PTPRG: variants seen among roughly 807,000 people sequenced by gnomAD.
The protein encoded by PTPRG is protein tyrosine phosphatase receptor type G.
PTPRG carries 102 observed loss-of-function variants against 165.3 expected under a neutral mutation model. The ratio of observed to expected loss-of-function variants is 0.62; its 90% CI spans 0.53 to 0.73. The LOEUF (loss-of-function observed/expected upper bound fraction) is 0.73. Among genes scored for constraint, PTPRG ranks in the 30% least tolerant of loss-of-function variants. The pLI, the probability that PTPRG is intolerant of heterozygous loss-of-function variation, is 0.00. For missense variants in PTPRG, 1,866 were observed against 1,861.4 expected (o/e 1.00, Z -0.05); for synonymous variants, 675 against 669.5 (o/e 1.01, Z -0.13).
chr3:62,001,020 G>C (rs1023212910), intron 3 of PTPRG, among the ~76,000 whole-genome samples: 1 of 152,220 alleles, frequency 6.6e-6, no homozygotes, highest in African/African-American at 2.4e-5. Flanking sequence ...TTAAGTGGCA[G>C]AATGGAATTC....
intron 6 of PTPRG, among the ~76,000 whole-genome samples, chr3:62,134,363 T>G (rs1034336798): frequency 6.6e-6 from 1 of 152,188 alleles, no homozygotes; most frequent in African/African-American, 2.4e-5. Context: ...GAACACTGAT[T>G]AAGACACACA....
At chr3:61,930,555 T>G (rs1291344804) in intron 2 of PTPRG, among the ~76,000 whole-genome samples, 1 of 152,184 alleles carries the variant, frequency 6.6e-6, no homozygotes, top group Non-Finnish European at 1.5e-5. Context: ...ATCTGCCAGT[T>G]AAAGACAAAT....
At chr3:61,638,842 A>C (rs1701990519) in intron 1 of PTPRG, among the ~76,000 whole-genome samples, 1 of 151,978 alleles carries the variant, frequency 6.6e-6, no homozygotes, top group Non-Finnish European at 1.5e-5. Flanking sequence ...ATTTGCAAAT[A>C]TTGTCTCCCA....
chr3:61,772,660 C>A (rs936725823), intron 2 of PTPRG, among the ~76,000 whole-genome samples: 2 of 152,122 alleles, frequency 1.3e-5, no homozygotes, highest in Non-Finnish European at 2.9e-5. Flanking sequence ...ACATAAAAAT[C>A]CATGTTTTTA....
At chr3:61,751,951 C>T (rs1020298366) in intron 2 of PTPRG, among the ~76,000 whole-genome samples, 3 of 151,918 alleles carry the variant, frequency 2.0e-5, no homozygotes, top group Admixed American at 1.3e-4. Context: ...CGAGATTGCG[C>T]CCACTGCACT....
At chr3:62,187,370 A>G (rs1249604904) in intron 8 of PTPRG, among the ~76,000 whole-genome samples, 1 of 152,256 alleles carries the variant, frequency 6.6e-6, no homozygotes, top group Non-Finnish European at 1.5e-5. Context: ...GCACTGATCC[A>G]CGGGCCGAAA....
At chr3:62,153,162 T>C (rs1005805732) in intron 6 of PTPRG, among the ~76,000 whole-genome samples, 2 of 152,224 alleles carry the variant, frequency 1.3e-5, no homozygotes, top group Non-Finnish European at 2.9e-5. Context: ...TATTTACTCT[T>C]TGGTACTTTA....
intron 28 of PTPRG, among the ~76,000 whole-genome samples, chr3:62,288,140 TAAAAAAAAA>T (rs374405748): frequency 8.8e-6 from 1 of 113,660 alleles, no homozygotes; most frequent in Non-Finnish European, 1.8e-5. Flanking sequence ...AAACTGTACT[TAAAAAAAAA>T]AAAAAAAACA....
intron 5 of PTPRG, among the ~76,000 whole-genome samples, chr3:62,112,722 A>G (rs968296583): frequency 6.6e-6 from 1 of 152,202 alleles, no homozygotes; most frequent in Non-Finnish European, 1.5e-5. Flanking sequence ...GGTGAAATGA[A>G]AGAGATCACA....
At chr3:61,831,212 C>T (rs1380426852) in intron 2 of PTPRG, among the ~76,000 whole-genome samples, 1 of 152,188 alleles carries the variant, frequency 6.6e-6, no homozygotes, top group Non-Finnish European at 1.5e-5. Flanking sequence ...CCAGGATACT[C>T]CTAGCTGCTG....
intron 16 of PTPRG, among the ~76,000 whole-genome samples, chr3:62,259,255 ATGC>A (rs1216307113): frequency 6.6e-6 from 1 of 152,206 alleles, no homozygotes; most frequent in Non-Finnish European, 1.5e-5. Flanking sequence ...CAGAGGTGTA[ATGC>A]TGCACCGACT....
At chr3:62,139,870 C>CA (rs1703858238) in intron 6 of PTPRG, among the ~76,000 whole-genome samples, 1 of 152,112 alleles carries the variant, frequency 6.6e-6, no homozygotes, top group East Asian at 1.9e-4. Context: ...AGGCCTCTAG[C>CA]AAAAAAGGAA....
intron 28 of PTPRG, among the ~76,000 whole-genome samples, chr3:62,286,055 A>T (rs1308095860): frequency 6.6e-6 from 1 of 152,160 alleles, no homozygotes; most frequent in Non-Finnish European, 1.5e-5. Flanking sequence ...CTCAGTTTTA[A>T]TTTCTAATAC....
At chr3:62,180,113 A>G (rs1023992150) in intron 8 of PTPRG, among the ~76,000 whole-genome samples, 12 of 152,162 alleles carry the variant, frequency 7.9e-5, no homozygotes, top group African/African-American at 2.9e-4. Context: ...CACCTTAACC[A>G]TTTGCATCAT....
intron 1 of PTPRG, among the ~76,000 whole-genome samples, chr3:61,592,537 T>C (rs541302943): frequency 6.6e-6 from 1 of 152,284 alleles, no homozygotes; most frequent in East Asian, 1.9e-4. Context: ...GCAATTTTTG[T>C]TTTTATATAA....
chr3:61,601,239 G>A (rs200857785), intron 1 of PTPRG, among the ~76,000 whole-genome samples: 16 of 152,224 alleles, frequency 1.1e-4, no homozygotes, highest in East Asian at 1.9e-4. Context: ...CTGGGTGACA[G>A]ACGGGGACTC....
At chr3:61,869,895 C>T (rs973002496) in intron 2 of PTPRG, among the ~76,000 whole-genome samples, 12 of 152,250 alleles carry the variant, frequency 7.9e-5, no homozygotes, top group Admixed American at 7.2e-4. Context: ...GCCACTGCAC[C>T]TGGTCCTGGG....
intron 4 of PTPRG, among the ~76,000 whole-genome samples, chr3:62,021,411 T>C (rs1050328209): frequency 6.6e-6 from 1 of 152,224 alleles, no homozygotes; most frequent in African/African-American, 2.4e-5. Flanking sequence ...TTTGAGAATA[T>C]AAGCCAACAT....
intron 4 of PTPRG, among the ~76,000 whole-genome samples, chr3:62,076,310 T>C (rs1701383535): frequency 6.6e-6 from 1 of 151,994 alleles, no homozygotes; most frequent in Non-Finnish European, 1.5e-5. Flanking sequence ...TATGTATATA[T>C]GGTGATGATG....
Sources: allele counts gnomAD v4.1 joint callset (sites outside exome capture counted in the v4.1 genomes callset), GRCh38; gene constraint gnomAD v4.1.1; transcripts MANE v1.5; gene names NCBI Gene and HGNC (gene_info 2026-07-23, HGNC 2026-07-21).